The following CHD2 variants were observed in gnomAD, a reference collection of about 807,000 sequenced individuals.
CHD2 encodes the protein chromodomain helicase DNA binding protein 2.
A neutral mutation model predicts 243.9 loss-of-function variants in CHD2; 28 were observed. The observed-to-expected ratio is 0.11, with a 90% CI of 0.09 to 0.16. CHD2 has a LOEUF of 0.16. Among genes scored for constraint, CHD2 ranks in the 10% least tolerant of loss-of-function variants. CHD2 has a pLI of 1.00. For missense variants in CHD2, 1,386 were observed against 2,209.8 expected, an observed-to-expected ratio of 0.63 and a Z score of 7.47; for synonymous variants, 775 against 779.0, an observed-to-expected ratio of 0.99 and a Z score of 0.09.
chr15:93,024,826 C>G lies in CHD2; in HGVS notation c.*121C>G. 1.2e-6 allele frequency: 1 copy of G among 834,638 alleles called. No individual in the cohort carries two copies. Among genetic ancestry groups the G allele is most frequent in the Non-Finnish European group, 1.8e-6 (1 of 544,988 alleles). The allele number at this position is 834,638 out of a possible 1,614,324, so 51.7% of individuals were successfully genotyped here. The stretch of plus-strand genomic sequence containing the variant: ...GTTTTGGACATGCTGCTGCTGTCAA[C>G]TCACTGGCTGAAGGAGCACTTCAAG... On this transcript the variant is annotated 3_prime_UTR_variant, in exon 39 of 39. Transcript: ENST00000394196.
At chr15:92,982,772 A>G (rs2141848727) in intron 24 of CHD2, among the ~76,000 whole-genome samples, 1 of 152,292 alleles carries the variant, frequency 6.6e-6, no homozygotes, top group South Asian at 2.1e-4. Flanking sequence ...TCAATGGAAG[A>G]ACAAGGATGG....
intron 24 of CHD2, among the ~76,000 whole-genome samples, chr15:92,981,906 A>G (rs1223862484): frequency 2.0e-5 from 3 of 152,238 alleles, no homozygotes; most frequent in African/African-American, 4.8e-5. Context: ...GGTGTCTCAT[A>G]TAACAGAAAA....
chr15:92,984,564 A>T lies in CHD2; in HGVS notation c.3237+64A>T, dbSNP rs2272459. 0.26 allele frequency: 371,313 copies of T among 1,439,016 alleles called. 50,330 individuals carry two copies. Among genetic ancestry groups the T allele is most frequent in the Middle Eastern group, 0.36 (1,861 of 5,218 alleles). The allele number at this position is 1,439,016 out of a possible 1,614,324, so 89.1% of individuals were successfully genotyped here. A position where few individuals can be genotyped will look rare whatever the true frequency, so the allele number is the denominator to read the frequency against. On this transcript the variant is annotated intron_variant, in intron 25 of 38. Coordinates refer to ENST00000394196, the MANE Select transcript of CHD2 (RefSeq NM_001271.4). The stretch of plus-strand genomic sequence containing the variant: ...TGTTGTGAATGCTACAGAAGTGTTG[A>T]TTATTCAAAGAAGAGGCCTTGCATT...
At chr15:92,942,095 T>G (rs1374011933) in intron 8 of CHD2, 140 bp downstream of exon 8, 1 of 770,888 alleles carries the variant, frequency 1.3e-6, no homozygotes, top group Non-Finnish European at 2.1e-6. Context: ...GACCCAGTGT[T>G]TCAGAGCTGA....
At chr15:93,000,184 T>G (rs1468837819) in intron 31 of CHD2, among the ~76,000 whole-genome samples, 1 of 152,042 alleles carries the variant, frequency 6.6e-6, no homozygotes, top group East Asian at 1.9e-4. Context: ...GAGAATCGCT[T>G]GAACCCGGGA....
chr15:92,928,912 C>G (rs2053115234), intron 4 of CHD2, 118 bp from the exon 5 acceptor site: 3 of 884,892 alleles, frequency 3.4e-6, no homozygotes, highest in Non-Finnish European at 5.0e-6. Flanking sequence ...TTCTTTGTGT[C>G]TAAAAGCTCA....
intron 16 of CHD2, among the ~76,000 whole-genome samples, 167 bp from the exon 17 acceptor site, chr15:92,967,158 G>C (rs1277152280): frequency 6.6e-6 from 1 of 152,022 alleles, no homozygotes; most frequent in Admixed American, 6.6e-5. Context: ...TAGACTGATG[G>C]AGTTGATTTC....
At chr15:92,985,721 G>C (rs1567152819) in intron 26 of CHD2, 48 bp downstream of exon 26, 1 of 1,565,532 alleles carries the variant, frequency 6.4e-7, no homozygotes, top group Non-Finnish European at 8.7e-7. Flanking sequence ...AGTGCGTACT[G>C]TAAGTCTTGG....
chr15:92,923,064 TTTAC>T (rs2052989820), intron 2 of CHD2, among the ~76,000 whole-genome samples: 1 of 152,228 alleles, frequency 6.6e-6, no homozygotes, highest in Non-Finnish European at 1.5e-5. Flanking sequence ...GCCCTTTTTG[TTTAC>T]TTACTTCTGT....
In CHD2 at chr15:93,009,328, C is replaced by T. The variant is rs867603592; in HGVS notation, c.4592+5C>T. ...GCACATCAAACTCTGGAGGAGGTAA[C>T]CACTTTGGCCTCGTCTGCCCAGTTT... On this transcript the variant is annotated splice_donor_5th_base_variant and intron_variant, in intron 35 of 38. Coordinates refer to ENST00000394196, the MANE Select transcript of CHD2 (RefSeq NM_001271.4). 1.9e-6 allele frequency: 3 copies of T among 1,612,430 alleles called. No homozygotes were observed. The highest frequency in any genetic ancestry group is 2.5e-6 in the Non-Finnish European group (3 of 1,178,744).
At position 92,951,011 on chromosome 15, in the gene CHD2, A is replaced by G. The variant is rs190142691; in HGVS notation, c.1502+1935A>G. On this transcript the variant is annotated intron_variant, in intron 13 of 38. Coordinates refer to ENST00000394196, the MANE Select transcript of CHD2 (RefSeq NM_001271.4). ...TCCTTTTAGAGGTTAGTGGGACCTA[A>G]TTCATCTAAATGACAGTTAATAAAA... is the stretch of plus-strand genomic sequence containing the variant. Among the ~76,000 whole-genome samples the G allele has an allele frequency of 7.9e-5, 12 of 152,302 alleles. No homozygotes were observed. The East Asian group carries it at 2.3e-3, about 29-fold the overall frequency.
At chr15:92,956,247 T>C (rs897031476) in intron 15 of CHD2, among the ~76,000 whole-genome samples, 5 of 152,196 alleles carry the variant, frequency 3.3e-5, no homozygotes, top group African/African-American at 1.2e-4. Flanking sequence ...GGCCCACCTA[T>C]ACCTTTTAGA....
chr15:92,982,904 G>A (rs1440988410), intron 24 of CHD2, among the ~76,000 whole-genome samples: 2 of 152,138 alleles, frequency 1.3e-5, no homozygotes, highest in Non-Finnish European at 2.9e-5. Context: ...GTAAAATACC[G>A]TAGACTGGGT....
chr15:92,927,354 C>T, intron 4 of CHD2, 24 bp downstream of exon 4: 1 of 1,542,584 alleles, frequency 6.5e-7, no homozygotes, highest in Non-Finnish European at 9.0e-7. Context: ...GTTTTAAGGG[C>T]ATGCATTTAA....
intron 33 of CHD2, among the ~76,000 whole-genome samples, chr15:93,003,718 C>G (rs750595695): frequency 3.9e-5 from 6 of 152,008 alleles, no homozygotes; most frequent in Non-Finnish European, 5.9e-5. Flanking sequence ...TTCCCCATAA[C>G]CACTACTGTG....
chr15:93,009,613 CA>C (rs2054365158), intron 35 of CHD2, among the ~76,000 whole-genome samples: 1 of 152,136 alleles, frequency 6.6e-6, no homozygotes, highest in African/African-American at 2.4e-5. Flanking sequence ...TTTAAGCCTA[CA>C]AGGGGCAAAA....
At position 93,002,204 on chromosome 15, in the gene CHD2, A is replaced by G. The variant is rs762950368; in HGVS notation, c.4165A>G (p.Lys1389Glu). 1 of 1,586,686 alleles carries G rather than the reference A, an allele frequency of 6.3e-7. No homozygotes were observed. Among genetic ancestry groups the G allele is most frequent in the Non-Finnish European group, 8.5e-7 (1 of 1,170,422 alleles). Reference protein sequence around the residue: ...KDDGLEKSPMKKKQKKKENKE... With the variant: ...KDDGLEKSPMEKKQKKKENKE... ...TGATGGCTTGGAAAAAAGTCCAATGAAAAAAAAACAGAAGAAGAAAGAGAA... is the reference window on the plus strand; with the variant it reads ...TGATGGCTTGGAAAAAAGTCCAATGGAAAAAAAACAGAAGAAGAAAGAGAA... Residue 1389 changes from lysine (K) to glutamate (E), a missense_variant, in exon 33 of 39, where the codon AAA becomes GAA. Physicochemically the swap from Lys to Glu is moderately conservative, Grantham distance 56. Coordinates refer to ENST00000394196, the MANE Select transcript of CHD2 (RefSeq NM_001271.4).
chr15:93,014,681 C>A lies in CHD2; in HGVS notation c.4693-15C>A. ...CTGGGATCTTGAGCTTCTTTGGTTT[C>A]CTTTTACTCTTTAGGAGCAAAAGAA... is the stretch of plus-strand genomic sequence containing the variant. On this transcript the variant is annotated splice_polypyrimidine_tract_variant and intron_variant, in intron 36 of 38. Coordinates refer to ENST00000394196, the MANE Select transcript of CHD2 (RefSeq NM_001271.4). 1 of 1,610,738 alleles carries A rather than the reference C, an allele frequency of 6.2e-7. No individual in the cohort carries two copies. Among genetic ancestry groups the A allele is most frequent in the South Asian group, 1.1e-5 (1 of 90,984 alleles).
intron 3 of CHD2, among the ~76,000 whole-genome samples, chr15:92,925,938 T>C (rs947486945): frequency 4.6e-5 from 7 of 152,154 alleles, no homozygotes; most frequent in African/African-American, 9.7e-5. Context: ...TTAAAGTCAT[T>C]GTTGATAATG....
Sources: allele counts gnomAD v4.1 joint callset (sites outside exome capture counted in the v4.1 genomes callset), GRCh38; gene constraint gnomAD v4.1.1; transcripts MANE v1.5; gene names NCBI Gene and HGNC (gene_info 2026-07-23, HGNC 2026-07-21).